TSGA13: variants seen among roughly 807,000 people sequenced by gnomAD.
The protein encoded by TSGA13 is testis-specific gene 13 protein.
A neutral mutation model predicts 35.1 loss-of-function variants in TSGA13; 37 were observed. The observed-to-expected ratio is 1.05, with a 90% CI of 0.81 to 1.39. The LOEUF is 1.39. Among genes scored for constraint, TSGA13 ranks in the 40% most tolerant of loss-of-function variants. TSGA13 has a pLI of 0.00. For synonymous variants in TSGA13, 124 were observed against 121.2 expected, an observed-to-expected ratio of 1.02 and a Z score of -0.15; for missense variants, 338 against 328.5, an observed-to-expected ratio of 1.03 and a Z score of -0.22.
chr7:130,683,794 C>T (rs1796600137), intron 2 of TSGA13, 122 bp from the exon 3 acceptor site: 3 of 770,672 alleles, frequency 3.9e-6, no homozygotes, highest in Non-Finnish European at 6.4e-6. Flanking sequence ...TTTAGGTGAT[C>T]ACATCAGTAA....
In TSGA13 at chr7:130,683,653, T is replaced by C. The variant is rs782016850; in HGVS notation, c.43A>G (p.Lys15Glu). 1 of 1,613,934 alleles carries C rather than the reference T, an allele frequency of 6.2e-7. No homozygotes were observed. Among genetic ancestry groups the C allele is most frequent in the South Asian group, 1.1e-5 (1 of 91,064 alleles). ...TTAGCTGAGCTATTTTCTGAAGTCT[T>C]TGATTTGCCATTTTGAAACCTGAAA... ...RQTKFQNGKS[K>E]TSENSSAKRE... The change falls in exon 3 of 8, where the codon AAG becomes GAG. Residue 15 changes from lysine (K) to glutamate (E), a missense_variant. By Grantham distance (56) the Lys-to-Glu change is moderately conservative. Transcript: ENST00000356588.
upstream of TSGA13, chr7:130,687,395 T>C (rs1207366262): frequency 5.3e-5 from 8 of 152,224 alleles, no homozygotes; most frequent in African/African-American, 1.9e-4. Context: ...TTAAACATAT[T>C]TGTGCCCCCC....
chr7:130,677,823 G>A (rs1796449575), intron 5 of TSGA13, among the ~76,000 whole-genome samples: 1 of 152,056 alleles, frequency 6.6e-6, no homozygotes, highest in Non-Finnish European at 1.5e-5. Context: ...CTGTTCTTTT[G>A]TCATGGGTCA....
intron 5 of TSGA13, among the ~76,000 whole-genome samples, chr7:130,674,140 T>C (rs1442947514): frequency 6.0e-5 from 9 of 150,350 alleles, no homozygotes; most frequent in Admixed American, 1.3e-4. Context: ...CTGAGAGCCT[T>C]CTTCTTTTCT....
intron 2 of TSGA13, among the ~76,000 whole-genome samples, chr7:130,684,689 G>A (rs1210763769): frequency 6.6e-6 from 1 of 152,116 alleles, no homozygotes; most frequent in Non-Finnish European, 1.5e-5. Context: ...ATCTGTTGCT[G>A]GCCACCAGTT....
At chr7:130,677,487 C>A (rs1373657600) in intron 5 of TSGA13, among the ~76,000 whole-genome samples, 1 of 151,824 alleles carries the variant, frequency 6.6e-6, no homozygotes, top group African/African-American at 2.4e-5. Flanking sequence ...TGCAGTAGCG[C>A]TATCTTGGCT....
chr7:130,681,932 CTTTTCTTT>C (rs1796556584), intron 3 of TSGA13, among the ~76,000 whole-genome samples: 1 of 151,836 alleles, frequency 6.6e-6, no homozygotes, highest in Non-Finnish European at 1.5e-5. Flanking sequence ...TTTCTTTTTT[CTTTTCTTT>C]TTTTCTTTTT....
At chr7:130,670,766 G>A (rs1796248530) in intron 7 of TSGA13, among the ~76,000 whole-genome samples, 1 of 151,994 alleles carries the variant, frequency 6.6e-6, no homozygotes, top group Non-Finnish European at 1.5e-5. Context: ...GACTACAGGT[G>A]CATGCCGCCA....
At position 130,685,296 on chromosome 7, in the gene TSGA13, G is replaced by A; in HGVS notation, c.-86C>T. 6.3e-7 allele frequency: 1 copy of A among 1,591,018 alleles called. No individual in the cohort carries two copies. Among genetic ancestry groups the A allele is most frequent in the Non-Finnish European group, 8.6e-7 (1 of 1,161,090 alleles). Reference sequence around the variant, plus strand: ...CTCTAAATAGTCCACGTTCTGCAGGGGTTCAATTCAATCCAAATATTCTTT... The same window carrying A: ...CTCTAAATAGTCCACGTTCTGCAGGAGTTCAATTCAATCCAAATATTCTTT... On this transcript the variant is annotated 5_prime_UTR_variant, in exon 2 of 8. Transcript: ENST00000356588.
At chr7:130,682,360 T>G (rs1796568306) in intron 3 of TSGA13, among the ~76,000 whole-genome samples, 1 of 152,166 alleles carries the variant, frequency 6.6e-6, no homozygotes, top group East Asian at 1.9e-4. Context: ...CCTCCAGTGA[T>G]CCGCCCACCT....
intron 6 of TSGA13, 21 bp from the exon 7 acceptor site, chr7:130,671,809 G>A (rs782639005): frequency 9.0e-6 from 14 of 1,559,210 alleles, no homozygotes; most frequent in Non-Finnish European, 1.1e-5. Flanking sequence ...AAAGTTCTTT[G>A]TTTAGTAGAT....
rs1025239751 is a variant in TSGA13 at position 130,672,758 on chromosome 7, G to A, written c.506C>T (p.Thr169Ile). Reference sequence around the variant, plus strand: ...CCTAAACCATTGTTCTCGCTTGGATGTGGGATCATCCGACAGTATCAAAGG... The same window carrying A: ...CCTAAACCATTGTTCTCGCTTGGATATGGGATCATCCGACAGTATCAAAGG... The part of the protein sequence containing the change: ...IFPLILSDDP[T>I]SKREQWFRFS... The change falls in exon 6 of 8, where the codon ACA becomes ATA. Residue 169 changes from threonine to isoleucine, a missense_variant. Transcript: ENST00000356588. 6.2e-6 allele frequency: 10 copies of A among 1,614,030 alleles called. No individual in the cohort carries two copies. In the Admixed American group the frequency reaches 6.7e-5, roughly 11 times the overall value.
intron 3 of TSGA13, among the ~76,000 whole-genome samples, chr7:130,681,595 T>C (rs1344515266): frequency 6.6e-6 from 1 of 152,222 alleles, no homozygotes; most frequent in Non-Finnish European, 1.5e-5. Context: ...TCCAGAAATG[T>C]TGCAAAAAAT....
chr7:130,685,463 C>T (rs534751367), intron 1 of TSGA13, 103 bp from the exon 2 acceptor site: 61 of 1,125,698 alleles, frequency 5.4e-5, no homozygotes, highest in East Asian at 1.5e-4. Context: ...ATTTCACAAA[C>T]GGGGGAGGTG....
chr7:130,677,697 T>C (rs1047791065), intron 5 of TSGA13, among the ~76,000 whole-genome samples: 4 of 152,130 alleles, frequency 2.6e-5, no homozygotes, highest in African/African-American at 9.7e-5. Context: ...AGTGCTGGGA[T>C]TACAGGCGTG....
chr7:130,681,374 C>G (rs931691910), intron 3 of TSGA13, among the ~76,000 whole-genome samples: 4 of 152,090 alleles, frequency 2.6e-5, no homozygotes, highest in Admixed American at 2.0e-4. Context: ...TTTTCCATAG[C>G]TATAGGAGTG....
Position 130,685,312 on chromosome 7 carries a change from A to C in TSGA13, c.-102T>G. The C allele has an allele frequency of 6.3e-7, 1 of 1,585,984 alleles. No individual in the cohort carries two copies. The highest frequency in any genetic ancestry group is 8.6e-7 in the Non-Finnish European group (1 of 1,157,518). On this transcript the variant is annotated 5_prime_UTR_variant, in exon 2 of 8. In the 5' UTR this introduces an upstream ATG that the reference lacks. Coordinates refer to ENST00000356588, the MANE Select transcript of TSGA13 (RefSeq NM_052933.4). ...TTCTGCAGGGGTTCAATTCAATCCA[A>C]ATATTCTTTCCTTAGCACACAGTGT...
intron 3 of TSGA13, among the ~76,000 whole-genome samples, chr7:130,682,112 T>C (rs1796561246): frequency 6.6e-6 from 1 of 150,902 alleles, no homozygotes; most frequent in Admixed American, 6.6e-5. Flanking sequence ...GCTATTATTA[T>C]TATTTATTAA....
At chr7:130,670,316 T>G (rs543969276) in intron 7 of TSGA13, among the ~76,000 whole-genome samples, 1 of 152,194 alleles carries the variant, frequency 6.6e-6, no homozygotes, top group South Asian at 2.1e-4. Context: ...TCAGGACTAT[T>G]TGGACTGAGG....
Sources: allele counts gnomAD v4.1 joint callset (sites outside exome capture counted in the v4.1 genomes callset), GRCh38; gene constraint gnomAD v4.1.1; transcripts MANE v1.5; gene names NCBI Gene and HGNC (gene_info 2026-07-23, HGNC 2026-07-21).